PLA2G4A: variants seen among roughly 807,000 people sequenced by gnomAD.
PLA2G4A encodes cytosolic phospholipase A2.
A neutral mutation model predicts 81.9 loss-of-function variants in PLA2G4A; 40 were observed. The ratio of observed to expected loss-of-function variants is 0.49; its 90% CI spans 0.38 to 0.64. The LOEUF is 0.64. PLA2G4A is among the 30% of genes least tolerant of loss of function. The probability of loss-of-function intolerance (pLI) is 0.00; values close to 1 mark genes in which losing one functional copy is unlikely to be tolerated. For synonymous variants in PLA2G4A, 302 were observed against 296.9 expected (o/e 1.02, Z -0.18); for missense variants, 715 against 905.1 (o/e 0.79, Z 2.69).
At chr1:186,882,876 A>T (rs1042450472) in intron 3 of PLA2G4A, among the ~76,000 whole-genome samples, 4 of 152,098 alleles carry the variant, frequency 2.6e-5, no homozygotes, top group African/African-American at 9.7e-5. Flanking sequence ...GACAGATTGG[A>T]TATTTGAATC....
Position 186,956,038 on chromosome 1 carries a change from C to T in PLA2G4A, c.1337-64C>T, listed in dbSNP as rs144541172. ...TACAGGCGTGAGCCACCGTGCCCAG[C>T]CCAAAGATCCCTTTTTAAACATGTA... On this transcript the variant is annotated intron_variant, in intron 13 of 17. Coordinates refer to ENST00000367466, the MANE Select transcript of PLA2G4A (RefSeq NM_024420.3). 5.6e-3 allele frequency: 8,336 copies of T among 1,499,858 alleles called. 389 individuals carry two copies. In the African/African-American group the frequency reaches 0.1, roughly 18 times the overall value. The allele number at this position is 1,499,858 out of a possible 1,614,324, so 92.9% of individuals were successfully genotyped here.
At chr1:186,910,405 G>C (rs1214713089) in intron 6 of PLA2G4A, among the ~76,000 whole-genome samples, 1 of 152,114 alleles carries the variant, frequency 6.6e-6, no homozygotes, top group Non-Finnish European at 1.5e-5. Flanking sequence ...TTTAAATTCA[G>C]TAGTTGGTAT....
At chr1:186,869,664 C>T (rs2102057422) in intron 2 of PLA2G4A, among the ~76,000 whole-genome samples, 1 of 152,188 alleles carries the variant, frequency 6.6e-6, no homozygotes, top group South Asian at 2.1e-4. Context: ...GTTAAGCAAG[C>T]CTACTAAAAT....
intron 10 of PLA2G4A, among the ~76,000 whole-genome samples, chr1:186,945,134 A>G (rs1022207365): frequency 3.3e-5 from 5 of 152,152 alleles, no homozygotes; most frequent in Non-Finnish European, 7.4e-5. Context: ...ATCAGCAAAG[A>G]CCCTAAAATA....
chr1:186,932,211 G>A (rs1483702545), intron 7 of PLA2G4A, among the ~76,000 whole-genome samples: 1 of 151,814 alleles, frequency 6.6e-6, no homozygotes, highest in East Asian at 1.9e-4. Flanking sequence ...ATTAAATAGA[G>A]TAAGTTGGTC....
intron 2 of PLA2G4A, among the ~76,000 whole-genome samples, chr1:186,861,924 C>T (rs1652816451): frequency 6.6e-6 from 1 of 151,186 alleles, no homozygotes. Context: ...CCTCATTTTA[C>T]CCACGATATC....
intron 2 of PLA2G4A, among the ~76,000 whole-genome samples, chr1:186,861,830 T>C (rs1259879252): frequency 6.6e-6 from 1 of 152,094 alleles, no homozygotes; most frequent in Non-Finnish European, 1.5e-5. Context: ...ACATCTAGAA[T>C]GTGGATCTTC....
chr1:186,894,135 C>A lies in PLA2G4A; in HGVS notation c.302C>A (p.Thr101Asn). 1 of 1,503,860 alleles carries A rather than the reference C, an allele frequency of 6.6e-7. No individual in the cohort carries two copies. The highest frequency in any genetic ancestry group is 9.3e-7 in the Non-Finnish European group (1 of 1,079,598). 93.2% of individuals were successfully genotyped at this position (1,503,860 alleles called of 1,614,324 possible). The change falls in exon 5 of 18, where the codon ACT (threonine) becomes AAT (asparagine). Residue 101 changes from threonine to asparagine, a missense_variant. By Grantham distance (65) the Thr-to-Asn change is moderately conservative. Transcript: ENST00000367466. ...LMDANYVMDE[T>N]LGTATFTVSS... ...GATGCCAATTATGTCATGGATGAAA[C>A]TCTAGGGACAGCAACATTTACTGTA...
intron 8 of PLA2G4A, among the ~76,000 whole-genome samples, chr1:186,937,097 A>T (rs1319341766): frequency 6.6e-6 from 1 of 151,646 alleles, no homozygotes; most frequent in African/African-American, 2.4e-5. Flanking sequence ...CCATGAAAAG[A>T]TTATCCAACT....
chr1:186,877,705 CAAAAAAA>C (rs58954006), intron 3 of PLA2G4A, among the ~76,000 whole-genome samples: 86 of 86,928 alleles, frequency 9.9e-4, no homozygotes, highest in African/African-American at 3.4e-3. Flanking sequence ...GGCTTACTCA[CAAAAAAA>C]AAAAAAAAAA....
Position 186,916,010 on chromosome 1 carries a change from C to T in PLA2G4A, c.558+4621C>T, listed in dbSNP as rs1053667122. ...TTCCATGGCCATTGATATCCTGTTA[C>T]GGTTCCTCCACAGACATAACATGAA... On this transcript the variant is annotated intron_variant, in intron 7 of 17. Coordinates refer to ENST00000367466, the MANE Select transcript of PLA2G4A (RefSeq NM_024420.3). Among the ~76,000 whole-genome samples the T allele has an allele frequency of 5.9e-5, 9 of 152,128 alleles. No individual in the cohort carries two copies. In the South Asian group the frequency reaches 1.0e-3, roughly 18 times the overall value.
intron 13 of PLA2G4A, among the ~76,000 whole-genome samples, chr1:186,955,734 C>CCTTTTT (rs368191115): frequency 9.2e-6 from 1 of 108,820 alleles, no homozygotes; most frequent in Admixed American, 1.2e-4. Context: ...AAGAAGATCC[C>CCTTTTT]TTTTTTTTTT....
intron 14 of PLA2G4A, among the ~76,000 whole-genome samples, chr1:186,960,564 G>C (rs2383555): frequency 0.96 from 145,857 of 152,242 alleles, 69,915 homozygotes; most frequent in East Asian, 1. Context: ...AAATAAATTT[G>C]GGAACATTTA....
At position 186,895,937 on chromosome 1, in the gene PLA2G4A, A is replaced by G. The variant is rs577399825; in HGVS notation, c.378+1726A>G. On this transcript the variant is annotated intron_variant, in intron 5 of 17. Transcript: ENST00000367466. ...GGAAATAATATTTTCTAAGGGAATC[A>G]TTATGATTAAGCAAGTTAATTTTAT... Among the ~76,000 whole-genome samples the G allele has an allele frequency of 2.2e-3, 338 of 152,154 alleles. 1 individual carries two copies. The highest frequency in any genetic ancestry group is 7.7e-3 in the African/African-American group (321 of 41,536).
At chr1:186,877,950 G>A (rs1653566217) in intron 3 of PLA2G4A, among the ~76,000 whole-genome samples, 1 of 150,084 alleles carries the variant, frequency 6.7e-6, no homozygotes, top group Admixed American at 6.7e-5. Context: ...TTTTTCTGAG[G>A]TTGCATGCAC....
rs1393738424 is a variant in PLA2G4A at position 186,988,487 on chromosome 1, T to C, written c.2229T>C (p.Phe743=). ...VEARRFFNKE[F]LSKPKA is the part of the protein sequence containing the mutation. ...CAAGAAGATTTTTCAACAAGGAGTT[T>C]CTAAGTAAACCCAAAGCATAGTTCA... Residue 743 remains phenylalanine, a synonymous_variant, in exon 18 of 18, where the codon TTT becomes TTC. Coordinates refer to ENST00000367466, the MANE Select transcript of PLA2G4A (RefSeq NM_024420.3). The C allele has an allele frequency of 6.2e-7, 1 of 1,612,518 alleles. No homozygotes were observed. Among genetic ancestry groups the C allele is most frequent in the Admixed American group, 1.7e-5 (1 of 59,978 alleles).
chr1:186,889,822 C>T (rs1654072214), intron 3 of PLA2G4A, among the ~76,000 whole-genome samples: 1 of 152,068 alleles, frequency 6.6e-6, no homozygotes, highest in Non-Finnish European at 1.5e-5. Flanking sequence ...TTGCACTCAC[C>T]CTCTCTTTCT....
At chr1:186,852,811 A>T (rs1209491457) in intron 1 of PLA2G4A, among the ~76,000 whole-genome samples, 1 of 152,030 alleles carries the variant, frequency 6.6e-6, no homozygotes, top group East Asian at 1.9e-4. Context: ...GTAGTTTATA[A>T]TTGGTTAATG....
intron 1 of PLA2G4A, among the ~76,000 whole-genome samples, chr1:186,831,221 C>T (rs906492276): frequency 6.6e-6 from 1 of 151,866 alleles, no homozygotes; most frequent in Admixed American, 6.5e-5. Flanking sequence ...CATGAAAATG[C>T]AGTATTTCTT....
Sources: gnomAD v4.1 joint callset for allele counts (sites outside exome capture counted in the v4.1 genomes callset) on GRCh38, gnomAD v4.1.1 for gene constraint, MANE v1.5 for transcripts, NCBI Gene and HGNC (gene_info 2026-07-23, HGNC 2026-07-21) for gene names.